The following ENTREP1 variants were observed in gnomAD, a reference collection of about 807,000 sequenced individuals.
ENTREP1 encodes the protein Friedreich ataxia region gene X123.
the ENTREP1 span, among the ~76,000 whole-genome samples, chr9:69,367,604 TATATATATATACACACATATATATAA>T: frequency 1.5e-5 from 2 of 134,890 alleles, no homozygotes; most frequent in African/African-American, 2.8e-5. Flanking sequence ...GTGTTTTATA[TATATATATATACACACATATATATAA>T]ATATATATAT....
At chr9:69,324,956 A>C in the ENTREP1 span, 5 of 985,040 alleles carry the variant, frequency 5.1e-6, no homozygotes, top group Non-Finnish European at 6.0e-6. Context: ...TATTTGGGGC[A>C]GGGCACCCTC....
the ENTREP1 span, among the ~76,000 whole-genome samples, chr9:69,337,251 G>A: frequency 1.3e-5 from 2 of 151,506 alleles, no homozygotes; most frequent in African/African-American, 2.4e-5. Flanking sequence ...CAAGTGATCC[G>A]CCTGCCTTGG....
At chr9:69,376,795 A>G in the ENTREP1 span, among the ~76,000 whole-genome samples, 1 of 152,330 alleles carries the variant, frequency 6.6e-6, no homozygotes, top group South Asian at 2.1e-4. Flanking sequence ...GACTGTACCA[A>G]CAGAAGCGTT....
chr9:69,363,531 G>C, the ENTREP1 span, among the ~76,000 whole-genome samples: 1 of 152,198 alleles, frequency 6.6e-6, no homozygotes, highest in South Asian at 2.1e-4. Context: ...AGGGTATGGG[G>C]AACAGTGAAA....
chr9:69,337,752 G>T, the ENTREP1 span, among the ~76,000 whole-genome samples: 1 of 151,776 alleles, frequency 6.6e-6, no homozygotes, highest in Non-Finnish European at 1.5e-5. Context: ...TAAAATAGAG[G>T]GTCTAGGAAA....
At chr9:69,371,460 G>A in the ENTREP1 span, 2 of 1,327,962 alleles carry the variant, frequency 1.5e-6, no homozygotes, top group South Asian at 2.3e-5. Flanking sequence ...GAATTTAGCT[G>A]TTATCTTTTA....
At chr9:69,350,856 CCTTTTT>C in the ENTREP1 span, among the ~76,000 whole-genome samples, 355 of 152,202 alleles carry the variant, frequency 2.3e-3, 3 homozygotes, top group African/African-American at 7.4e-3. Flanking sequence ...TTCTAGAAAA[CCTTTTT>C]CTTTTTCTAT....
the ENTREP1 span, among the ~76,000 whole-genome samples, chr9:69,335,089 C>T: frequency 6.6e-6 from 1 of 151,838 alleles, no homozygotes; most frequent in Non-Finnish European, 1.5e-5. Flanking sequence ...TTTTTTAGCT[C>T]GTTTTTTATT....
chr9:69,330,851 G>A, the ENTREP1 span, among the ~76,000 whole-genome samples: 1 of 152,152 alleles, frequency 6.6e-6, no homozygotes, highest in Non-Finnish European at 1.5e-5. Context: ...TGTAGCTAGA[G>A]TATACATAGG....
the ENTREP1 span, among the ~76,000 whole-genome samples, chr9:69,374,843 G>T: frequency 6.6e-6 from 1 of 152,168 alleles, no homozygotes; most frequent in Non-Finnish European, 1.5e-5. Flanking sequence ...TGAGAAGTGA[G>T]AATAAGTTTT....
the ENTREP1 span, among the ~76,000 whole-genome samples, chr9:69,365,785 T>C: frequency 6.6e-6 from 1 of 152,196 alleles, no homozygotes; most frequent in Non-Finnish European, 1.5e-5. Context: ...ATATTTATCT[T>C]TCTGTGCCTG....
the ENTREP1 span, chr9:69,383,046 AT>A: frequency 1.0e-6 from 1 of 984,156 alleles, no homozygotes; most frequent in African/African-American, 1.7e-5. Context: ...CTTGTGGAGG[AT>A]TTTGCTATTA....
the ENTREP1 span, among the ~76,000 whole-genome samples, chr9:69,331,986 CTTCTT>C: frequency 2.0e-5 from 3 of 152,240 alleles, no homozygotes; most frequent in African/African-American, 7.2e-5. Flanking sequence ...GTCTCCTTCT[CTTCTT>C]CTTTTCCCAA....
the ENTREP1 span, among the ~76,000 whole-genome samples, chr9:69,351,385 T>G: frequency 7.1e-6 from 1 of 141,272 alleles, no homozygotes; most frequent in African/African-American, 2.7e-5. Flanking sequence ...TTTTCTTATT[T>G]CCTTGATGAT....
the ENTREP1 span, chr9:69,325,290 G>T: frequency 7.0e-4 from 392 of 563,396 alleles, 11 homozygotes; most frequent in Admixed American, 0.025. Context: ...GCACCCGGCC[G>T]CACCCTTCCC....
chr9:69,342,970 C>T, the ENTREP1 span, among the ~76,000 whole-genome samples: 15 of 152,214 alleles, frequency 9.9e-5, no homozygotes, highest in Admixed American at 2.6e-4. Flanking sequence ...GATTCATCTA[C>T]GGTTGGAATC....
chr9:69,367,705 A>ATATG, the ENTREP1 span, among the ~76,000 whole-genome samples: 10 of 85,736 alleles, frequency 1.2e-4, no homozygotes, highest in Admixed American at 1.6e-4. Context: ...ATATATATAA[A>ATATG]TATATATATA....
the ENTREP1 span, among the ~76,000 whole-genome samples, chr9:69,368,042 A>G: frequency 7.5e-5 from 5 of 66,244 alleles, no homozygotes; most frequent in African/African-American, 3.1e-4. Context: ...CTAAACGTTG[A>G]TTTTGTATCC....
the ENTREP1 span, among the ~76,000 whole-genome samples, chr9:69,336,558 G>A: frequency 6.6e-6 from 1 of 152,036 alleles, no homozygotes; most frequent in Non-Finnish European, 1.5e-5. Context: ...CTTACTATGG[G>A]CAGTTTTAAA....
Sources: allele counts gnomAD v4.1 joint callset (sites outside exome capture counted in the v4.1 genomes callset), GRCh38; gene constraint gnomAD v4.1.1; transcripts MANE v1.5; gene names NCBI Gene and HGNC (gene_info 2026-07-23, HGNC 2026-07-21).